Variants in KCNN3 observed in about 807,000 individuals in gnomAD.
KCNN3 encodes small conductance calcium-activated potassium channel protein 3.
Under a neutral mutation model 62.9 loss-of-function variants are expected in KCNN3, and 16 were observed. That is an observed-to-expected ratio of 0.25 (90% CI 0.17 to 0.39). The LOEUF (loss-of-function observed/expected upper bound fraction) is 0.39, where lower values mean the gene tolerates loss of function less well. Among genes scored for constraint, KCNN3 ranks in the 10% least tolerant of loss-of-function variants. The probability of loss-of-function intolerance (pLI) is 1.00; values close to 1 mark genes in which losing one functional copy is unlikely to be tolerated. For synonymous variants in KCNN3, 370 were observed against 389.2 expected (o/e 0.95, Z 0.58); for missense variants, 599 against 949.4 (o/e 0.63, Z 4.85).
chr1:154,775,433 C>T (rs1180386054), intron 2 of KCNN3, among the ~76,000 whole-genome samples: 1 of 152,100 alleles, frequency 6.6e-6, no homozygotes, highest in East Asian at 1.9e-4. Flanking sequence ...CTCCCTGCTC[C>T]GTACCCTTAC....
At chr1:154,848,005 CA>C (rs1652147606) in intron 1 of KCNN3, among the ~76,000 whole-genome samples, 1 of 152,168 alleles carries the variant, frequency 6.6e-6, no homozygotes, top group Admixed American at 6.5e-5. Context: ...CTACTCCTCC[CA>C]AATCTCTGAA....
chr1:154,732,063 C>A (rs1028875449), intron 4 of KCNN3, among the ~76,000 whole-genome samples: 1 of 152,170 alleles, frequency 6.6e-6, no homozygotes, highest in East Asian at 1.9e-4. Context: ...TGTGTGTGGC[C>A]GCTTCTCGTT....
chr1:154,849,133 G>C (rs1652207602), intron 1 of KCNN3, among the ~76,000 whole-genome samples: 1 of 152,222 alleles, frequency 6.6e-6, no homozygotes, highest in African/African-American at 2.4e-5. Context: ...TTCTAGCGAT[G>C]CCTGGGCTGG....
rs149623535 is a variant in KCNN3, at chr1:154,725,876, C to A, written c.1701+40G>T. The A allele has an allele frequency of 4.3e-5, 65 of 1,500,770 alleles. No homozygotes were observed. The East Asian group carries it at 7.5e-4, about 17-fold the overall frequency. 93.0% of individuals were successfully genotyped at this position (1,500,770 alleles called of 1,614,324 possible). ...GCTTTCTGATTGGCTTCCACTGTGGCCTTAAGTCCCCCATAAGACATGGCT... is the reference window on the plus strand; with the variant it reads ...GCTTTCTGATTGGCTTCCACTGTGGACTTAAGTCCCCCATAAGACATGGCT... On this transcript the variant is annotated intron_variant, in intron 5 of 7. Coordinates refer to ENST00000271915, the MANE Select transcript of KCNN3 (RefSeq NM_002249.6).
At chr1:154,765,628 C>CTTT (rs55633526) in intron 3 of KCNN3, among the ~76,000 whole-genome samples, 2 of 129,726 alleles carry the variant, frequency 1.5e-5, no homozygotes, top group Admixed American at 7.8e-5. Context: ...TTTCTTTTTC[C>CTTT]TTTTTTTTTT....
intron 2 of KCNN3, among the ~76,000 whole-genome samples, chr1:154,792,663 G>A (rs755289647): frequency 2.0e-5 from 3 of 152,186 alleles, no homozygotes; most frequent in Non-Finnish European, 4.4e-5. Flanking sequence ...CCTTGAAGAA[G>A]GGTAGAGACG....
At chr1:154,845,561 C>T (rs1652020875) in intron 1 of KCNN3, among the ~76,000 whole-genome samples, 1 of 152,240 alleles carries the variant, frequency 6.6e-6, no homozygotes, top group African/African-American at 2.4e-5. Context: ...CTAATGCACA[C>T]CTGCTTCCCA....
At chr1:154,717,821 C>T (rs572138029) in intron 5 of KCNN3, among the ~76,000 whole-genome samples, 14 of 152,218 alleles carry the variant, frequency 9.2e-5, no homozygotes, top group Admixed American at 2.6e-4. Flanking sequence ...TCAATATCTG[C>T]GAGAGAAAAA....
chr1:154,759,613 G>A (rs1010142550), intron 3 of KCNN3, among the ~76,000 whole-genome samples: 26 of 152,186 alleles, frequency 1.7e-4, no homozygotes, highest in South Asian at 4.1e-4. Flanking sequence ...GGCACTAACT[G>A]TCACTGTGTA....
intron 2 of KCNN3, among the ~76,000 whole-genome samples, chr1:154,797,094 G>C (rs1049057573): frequency 6.6e-6 from 1 of 152,220 alleles, no homozygotes; most frequent in East Asian, 1.9e-4. Flanking sequence ...CGAAGGAGAG[G>C]AGAGGGTAAG....
chr1:154,723,697 G>A (rs914463611), intron 5 of KCNN3, among the ~76,000 whole-genome samples: 1 of 152,184 alleles, frequency 6.6e-6, no homozygotes, highest in Non-Finnish European at 1.5e-5. Flanking sequence ...AATAAACAGA[G>A]AGACTGCTAA....
intron 3 of KCNN3, among the ~76,000 whole-genome samples, chr1:154,769,632 G>T (rs1447486660): frequency 6.6e-6 from 1 of 152,206 alleles, no homozygotes; most frequent in African/African-American, 2.4e-5. Context: ...AAACTCACTT[G>T]CAGGTACTTT....
chr1:154,775,189 C>T (rs1226420390), intron 2 of KCNN3, among the ~76,000 whole-genome samples: 1 of 152,232 alleles, frequency 6.6e-6, no homozygotes, highest in Non-Finnish European at 1.5e-5. Context: ...TCTCACTCCA[C>T]TTTGCTGCCT....
chr1:154,746,249 T>C (rs931251249), intron 3 of KCNN3, among the ~76,000 whole-genome samples: 6 of 152,080 alleles, frequency 3.9e-5, no homozygotes, highest in Non-Finnish European at 8.8e-5. Flanking sequence ...CGCGTTACAA[T>C]GGAGACAAGT....
At chr1:154,789,269 CA>C (rs923495319) in intron 2 of KCNN3, among the ~76,000 whole-genome samples, 5 of 152,166 alleles carry the variant, frequency 3.3e-5, no homozygotes, top group Admixed American at 3.3e-4. Flanking sequence ...TCCCTTTTCA[CA>C]AAGACACTTG....
chr1:154,784,853 GA>G (rs1347751389), intron 2 of KCNN3, among the ~76,000 whole-genome samples: 3 of 152,232 alleles, frequency 2.0e-5, no homozygotes, highest in Non-Finnish European at 4.4e-5. Context: ...CAGGGAAACT[GA>G]GGCTCGGAGA....
At chr1:154,847,975 G>A (rs1301397247) in intron 1 of KCNN3, among the ~76,000 whole-genome samples, 3 of 152,176 alleles carry the variant, frequency 2.0e-5, no homozygotes, top group African/African-American at 4.8e-5. Flanking sequence ...GCTCCAGCAC[G>A]CTGCTGCTGT....
chr1:154,714,638 T>C (rs1700195715), intron 6 of KCNN3, among the ~76,000 whole-genome samples: 1 of 142,576 alleles, frequency 7.0e-6, no homozygotes, highest in East Asian at 2.1e-4. Context: ...TGTGTGTGTG[T>C]GTGTGTGTGT....
intron 3 of KCNN3, among the ~76,000 whole-genome samples, chr1:154,746,147 C>A (rs1472273737): frequency 6.6e-6 from 1 of 152,202 alleles, no homozygotes; most frequent in East Asian, 1.9e-4. Flanking sequence ...TAGGAATGAG[C>A]CCCCTCCTGT....
Sources: gnomAD v4.1 joint callset for allele counts (sites outside exome capture counted in the v4.1 genomes callset) on GRCh38, gnomAD v4.1.1 for gene constraint, MANE v1.5 for transcripts, NCBI Gene and HGNC (gene_info 2026-07-23, HGNC 2026-07-21) for gene names.